Variants in FAM168A observed in about 807,000 individuals in gnomAD.
FAM168A encodes the protein family with sequence similarity 168 member A.
FAM168A carries 3 observed loss-of-function variants against 28.5 expected under a neutral mutation model. The ratio of observed to expected loss-of-function variants is 0.11; its 90% CI spans 0.05 to 0.27. The LOEUF is 0.27. Ranked by LOEUF, FAM168A falls within the 10% of genes least tolerant of loss-of-function variation. FAM168A has a pLI of 1.00. For missense variants in FAM168A, 222 were observed against 311.5 expected (o/e 0.71, Z 2.16); for synonymous variants, 122 against 124.2 (o/e 0.98, Z 0.12).
intron 2 of FAM168A, among the ~76,000 whole-genome samples, chr11:73,439,181 T>C (rs1177163809): frequency 6.6e-6 from 1 of 152,098 alleles, no homozygotes; most frequent in Non-Finnish European, 1.5e-5. Context: ...GCCTGTATAT[T>C]AGATTCAAGG....
chr11:73,595,007 A>G (rs1565312861), intron 1 of FAM168A, among the ~76,000 whole-genome samples: 1 of 152,196 alleles, frequency 6.6e-6, no homozygotes. Flanking sequence ...CAAATGAGGT[A>G]AAGATACAAA....
intron 1 of FAM168A, among the ~76,000 whole-genome samples, chr11:73,572,822 C>T (rs944376824): frequency 5.3e-5 from 8 of 152,142 alleles, no homozygotes; most frequent in Admixed American, 2.0e-4. Flanking sequence ...CACTATTGTC[C>T]TATGACCCTG....
At chr11:73,593,388 A>G (rs1944404678) in intron 1 of FAM168A, among the ~76,000 whole-genome samples, 1 of 152,222 alleles carries the variant, frequency 6.6e-6, no homozygotes, top group South Asian at 2.1e-4. Flanking sequence ...GGGATGACAA[A>G]TTAGAATTTG....
intron 1 of FAM168A, among the ~76,000 whole-genome samples, chr11:73,554,459 T>C (rs1459990705): frequency 6.6e-6 from 1 of 151,766 alleles, no homozygotes; most frequent in African/African-American, 2.4e-5. Context: ...TTATATAAAA[T>C]AAATAGAAAA....
intron 4 of FAM168A, among the ~76,000 whole-genome samples, chr11:73,417,560 T>TC (rs1491262875): frequency 6.8e-5 from 5 of 74,020 alleles, no homozygotes; most frequent in African/African-American, 3.6e-4. Context: ...CCTCTCTCTC[T>TC]TTTTTTTTTT....
chr11:73,484,516 AGATATATATATC>A (rs1565265622), intron 1 of FAM168A, among the ~76,000 whole-genome samples: 106 of 141,846 alleles, frequency 7.5e-4, no homozygotes, highest in African/African-American at 2.7e-3. Flanking sequence ...AGATATATAT[AGATATATATATC>A]TATATATCTA....
intron 1 of FAM168A, among the ~76,000 whole-genome samples, chr11:73,582,604 A>G (rs1210926877): frequency 1.3e-4 from 20 of 152,200 alleles, no homozygotes; most frequent in Admixed American, 1.2e-3. Flanking sequence ...TAGTTAAGTC[A>G]AGTCTTATAT....
intron 1 of FAM168A, among the ~76,000 whole-genome samples, chr11:73,501,873 G>A (rs993722753): frequency 5.9e-5 from 9 of 152,018 alleles, no homozygotes; most frequent in East Asian, 1.9e-4. Flanking sequence ...AGGCCAAGGC[G>A]GGCAGATCAC....
chr11:73,516,753 G>A (rs558901506), intron 1 of FAM168A, among the ~76,000 whole-genome samples: 2 of 152,148 alleles, frequency 1.3e-5, no homozygotes, highest in Non-Finnish European at 2.9e-5. Flanking sequence ...AGCAGGAAAC[G>A]TCTGTTGTGT....
intron 1 of FAM168A, among the ~76,000 whole-genome samples, chr11:73,580,909 ATC>A (rs1228265585): frequency 6.6e-6 from 1 of 152,142 alleles, no homozygotes; most frequent in African/African-American, 2.4e-5. Flanking sequence ...AAACCCAGAC[ATC>A]TGTTGGGACC....
rs1022918531 is a variant in FAM168A, at chr11:73,401,826, A to T, written c.*4937T>A. 1 of 152,170 alleles carries T rather than the reference A, an allele frequency of 6.6e-6. No individual in the cohort carries two copies. Among genetic ancestry groups the T allele is most frequent in the Non-Finnish European group, 1.5e-5 (1 of 68,052 alleles). The allele number at this position is 152,170 out of a possible 1,614,324, so 9.4% of individuals were successfully genotyped here. ...AGATATCCACTGGAGAGACTGAGGG[A>T]CTGGGACCCAAGTCTGGCTTAGGCA... On this transcript the variant is annotated 3_prime_UTR_variant, in exon 8 of 8. Coordinates refer to ENST00000356467, the MANE Select transcript of FAM168A (RefSeq NM_015159.3).
chr11:73,490,772 T>C (rs566094226), intron 1 of FAM168A, among the ~76,000 whole-genome samples: 1 of 152,342 alleles, frequency 6.6e-6, no homozygotes, highest in Non-Finnish European at 1.5e-5. Flanking sequence ...TCTTCCTTGC[T>C]TTATTTTTCC....
At chr11:73,584,524 AG>A (rs1178085659) in intron 1 of FAM168A, among the ~76,000 whole-genome samples, 1 of 131,414 alleles carries the variant, frequency 7.6e-6, no homozygotes, top group African/African-American at 2.9e-5. Context: ...CCCAGGCTGG[AG>A]TGCAGTGGCG....
At chr11:73,536,595 G>A (rs1943585824) in intron 1 of FAM168A, among the ~76,000 whole-genome samples, 2 of 152,248 alleles carry the variant, frequency 1.3e-5, no homozygotes, top group South Asian at 4.1e-4. Context: ...GCTGAGGCAG[G>A]AGAATCGCTT....
In FAM168A at chr11:73,402,457, C is replaced by G. The variant is rs1866429176; in HGVS notation, c.*4306G>C. 6.6e-6 allele frequency: 1 copy of G among 152,194 alleles called. No individual in the cohort carries two copies. The highest frequency in any genetic ancestry group is 2.1e-4 in the South Asian group (1 of 4,834). 9.4% of individuals were successfully genotyped at this position (152,194 alleles called of 1,614,324 possible). ...GATTCCTTTCTGAAGGCCATCAGAA[C>G]AAAGCAAGCCCTCCAAAGAAGGACC... On this transcript the variant is annotated 3_prime_UTR_variant, in exon 8 of 8. Coordinates refer to ENST00000356467, the MANE Select transcript of FAM168A (RefSeq NM_015159.3).
intron 1 of FAM168A, among the ~76,000 whole-genome samples, chr11:73,486,575 T>C (rs1389652043): frequency 6.6e-6 from 1 of 152,224 alleles, no homozygotes. Flanking sequence ...CGGATAAAGA[T>C]AATCACAAAC....
intron 1 of FAM168A, among the ~76,000 whole-genome samples, chr11:73,521,772 G>A (rs537529122): frequency 6.6e-6 from 1 of 152,254 alleles, no homozygotes; most frequent in South Asian, 2.1e-4. Flanking sequence ...CCCTCATTCT[G>A]GGCTTGAAGC....
chr11:73,560,257 T>C (rs1428707940), intron 1 of FAM168A, among the ~76,000 whole-genome samples: 5 of 150,342 alleles, frequency 3.3e-5, no homozygotes, highest in African/African-American at 9.8e-5. Context: ...AGAGATGGGG[T>C]CTCACTATGT....
chr11:73,560,272 C>T (rs952386524), intron 1 of FAM168A, among the ~76,000 whole-genome samples: 1 of 151,700 alleles, frequency 6.6e-6, no homozygotes, highest in Non-Finnish European at 1.5e-5. Context: ...CTATGTTGCC[C>T]AAGTGGTCTT....
Sources: allele counts gnomAD v4.1 joint callset (sites outside exome capture counted in the v4.1 genomes callset), GRCh38; gene constraint gnomAD v4.1.1; transcripts MANE v1.5; gene names NCBI Gene and HGNC (gene_info 2026-07-23, HGNC 2026-07-21).